TRIM71: variants seen among roughly 807,000 people sequenced by gnomAD.
TRIM71 encodes tripartite motif containing 71.
A neutral mutation model predicts 61.2 loss-of-function variants in TRIM71; 9 were observed. The ratio of observed to expected loss-of-function variants is 0.15; its 90% CI spans 0.09 to 0.26. The LOEUF is 0.26. Among genes scored for constraint, TRIM71 ranks in the 10% least tolerant of loss-of-function variants. The pLI is 1.00. For missense variants in TRIM71, 998 were observed against 1,238.7 expected (o/e 0.81, Z 2.92); for synonymous variants, 645 against 553.2 (o/e 1.17, Z -2.33).
chr3:32,838,223 T>A (rs1696357137), intron 1 of TRIM71, among the ~76,000 whole-genome samples: 1 of 152,230 alleles, frequency 6.6e-6, no homozygotes, highest in South Asian at 2.1e-4. Flanking sequence ...ATGCTTATTA[T>A]TATTATTATA....
At chr3:32,845,053 G>A (rs533495699) in intron 1 of TRIM71, among the ~76,000 whole-genome samples, 1 of 152,268 alleles carries the variant, frequency 6.6e-6, no homozygotes, top group Non-Finnish European at 1.5e-5. Flanking sequence ...TGCATCTGAG[G>A]GCCTTGCCAG....
chr3:32,865,188 G>A (rs1359176956), intron 1 of TRIM71, among the ~76,000 whole-genome samples: 1 of 152,104 alleles, frequency 6.6e-6, no homozygotes, highest in Admixed American at 6.5e-5. Context: ...AATTAGCTGG[G>A]TGTGGTGGCA....
chr3:32,820,923 T>G (rs1013109692), intron 1 of TRIM71, among the ~76,000 whole-genome samples: 1 of 152,214 alleles, frequency 6.6e-6, no homozygotes, highest in South Asian at 2.1e-4. Flanking sequence ...GCTTGCTCCC[T>G]TTAGCTTTTC....
At chr3:32,872,620 G>A (rs1332351523) in intron 1 of TRIM71, among the ~76,000 whole-genome samples, 2 of 152,144 alleles carry the variant, frequency 1.3e-5, no homozygotes, top group African/African-American at 4.8e-5. Context: ...GAATCGCCTG[G>A]AATCTCACAT....
chr3:32,888,581 C>T (rs1238146188), intron 3 of TRIM71, among the ~76,000 whole-genome samples: 1 of 151,844 alleles, frequency 6.6e-6, no homozygotes, highest in East Asian at 1.9e-4. Flanking sequence ...GCTCTTATTG[C>T]CCAGGCTGGA....
At chr3:32,884,141 A>G (rs1168028999) in intron 2 of TRIM71, among the ~76,000 whole-genome samples, 1 of 152,128 alleles carries the variant, frequency 6.6e-6, no homozygotes, top group Non-Finnish European at 1.5e-5. Context: ...AATAAAGACC[A>G]GGTTTCACCA....
intron 1 of TRIM71, among the ~76,000 whole-genome samples, chr3:32,819,413 A>AC (rs1696103288): frequency 6.6e-6 from 1 of 152,136 alleles, no homozygotes; most frequent in Admixed American, 6.5e-5. Context: ...TGTGTGGGTG[A>AC]GTGCGTGGAG....
At chr3:32,859,958 A>G (rs1469976326) in intron 1 of TRIM71, among the ~76,000 whole-genome samples, 1 of 151,822 alleles carries the variant, frequency 6.6e-6, no homozygotes, top group African/African-American at 2.4e-5. Context: ...AGGTCATACC[A>G]CCTAAGGAAT....
At chr3:32,832,883 T>G (rs1290700887) in intron 1 of TRIM71, among the ~76,000 whole-genome samples, 1 of 151,954 alleles carries the variant, frequency 6.6e-6, no homozygotes. Context: ...ATATAAAGAA[T>G]TATTGACTGG....
chr3:32,885,590 G>A (rs924268413), intron 2 of TRIM71, among the ~76,000 whole-genome samples: 1 of 152,186 alleles, frequency 6.6e-6, no homozygotes, highest in Non-Finnish European at 1.5e-5. Flanking sequence ...TTGTGTGGCT[G>A]GAGTTGTACA....
rs1300407303 is a variant in TRIM71, at chr3:32,892,467, C to G, written c.*656C>G. 1 of 152,178 alleles carries G rather than the reference C, an allele frequency of 6.6e-6. No homozygotes were observed. The highest frequency in any genetic ancestry group is 1.5e-5 in the Non-Finnish European group (1 of 68,044). 9.4% of individuals were successfully genotyped at this position (152,178 alleles called of 1,614,324 possible). On this transcript the variant is annotated 3_prime_UTR_variant, in exon 4 of 4. Transcript: ENST00000383763. ...TATACCTCAGTGTGTTTAACATCCT[C>G]TTCTGCATCGTTTCTTGATCTTAGA...
intron 2 of TRIM71, among the ~76,000 whole-genome samples, chr3:32,877,728 T>TCA: frequency 6.6e-6 from 1 of 152,236 alleles, no homozygotes; most frequent in Middle Eastern, 3.4e-3. Context: ...AACAATTCAG[T>TCA]CACATCTTCA....
At chr3:32,831,646 C>G (rs1474898085) in intron 1 of TRIM71, among the ~76,000 whole-genome samples, 1 of 146,938 alleles carries the variant, frequency 6.8e-6, no homozygotes, top group Non-Finnish European at 1.5e-5. Context: ...AAGTGGTTCT[C>G]TTGCCTCAGC....
At chr3:32,879,096 G>A (rs897356707) in intron 2 of TRIM71, among the ~76,000 whole-genome samples, 4 of 152,130 alleles carry the variant, frequency 2.6e-5, no homozygotes, top group East Asian at 1.9e-4. Context: ...TTCTTAAACC[G>A]TATCACTCAT....
intron 1 of TRIM71, among the ~76,000 whole-genome samples, chr3:32,854,732 A>G (rs376257644): frequency 1.3e-5 from 2 of 152,184 alleles, no homozygotes; most frequent in East Asian, 3.8e-4. Flanking sequence ...TTTGATGCTG[A>G]TGGGATACAG....
At chr3:32,840,398 A>G (rs1305148929) in intron 1 of TRIM71, among the ~76,000 whole-genome samples, 1 of 152,230 alleles carries the variant, frequency 6.6e-6, no homozygotes, top group Non-Finnish European at 1.5e-5. Flanking sequence ...AGTACATAAC[A>G]TGAATACAAA....
intron 1 of TRIM71, among the ~76,000 whole-genome samples, chr3:32,831,237 C>T (rs1434957296): frequency 6.6e-6 from 1 of 152,130 alleles, no homozygotes; most frequent in Non-Finnish European, 1.5e-5. Context: ...CCATGAGCTA[C>T]AGAGTAACAA....
chr3:32,855,762 G>T (rs1488082103), intron 1 of TRIM71, among the ~76,000 whole-genome samples: 3 of 152,132 alleles, frequency 2.0e-5, no homozygotes, highest in African/African-American at 7.2e-5. Context: ...CTGACATGTG[G>T]TTTAAGTGGT....
chr3:32,863,159 C>T (rs1411618179), intron 1 of TRIM71, among the ~76,000 whole-genome samples: 2 of 150,764 alleles, frequency 1.3e-5, no homozygotes, highest in Non-Finnish European at 2.9e-5. Context: ...GAAGGATTCT[C>T]CCCTCACTTT....
Sources: allele counts gnomAD v4.1 joint callset (sites outside exome capture counted in the v4.1 genomes callset), GRCh38; gene constraint gnomAD v4.1.1; transcripts MANE v1.5; gene names NCBI Gene and HGNC (gene_info 2026-07-23, HGNC 2026-07-21).